The following ATRNL1 variants were observed in gnomAD, a reference collection of about 807,000 sequenced individuals.
ATRNL1 encodes attractin-like protein 1.
ATRNL1 carries 95 observed loss-of-function variants against 182.7 expected under a neutral mutation model. That is an observed-to-expected ratio of 0.52 (90% CI 0.44 to 0.62). The LOEUF (loss-of-function observed/expected upper bound fraction) is 0.62. ATRNL1 is among the 20% of genes least tolerant of loss of function. The pLI is 0.00. For missense variants in ATRNL1, 1,471 were observed against 1,679.5 expected (o/e 0.88, Z 2.17); for synonymous variants, 576 against 568.3 (o/e 1.01, Z -0.19).
intron 24 of ATRNL1, among the ~76,000 whole-genome samples, chr10:115,479,840 A>T (rs1453131714): frequency 2.0e-5 from 3 of 151,354 alleles, no homozygotes; most frequent in African/African-American, 7.3e-5. Flanking sequence ...ACTTCAAAAA[A>T]AGTGTATTGA....
intron 27 of ATRNL1, among the ~76,000 whole-genome samples, chr10:115,829,702 A>C (rs1298584271): frequency 6.6e-6 from 1 of 152,040 alleles, no homozygotes; most frequent in African/African-American, 2.4e-5. Context: ...TTGCAAAATC[A>C]AGGGATTTTC....
At chr10:115,622,272 A>C (rs1857817897) in intron 26 of ATRNL1, among the ~76,000 whole-genome samples, 1 of 152,220 alleles carries the variant, frequency 6.6e-6, no homozygotes, top group Admixed American at 6.5e-5. Flanking sequence ...GAAAAAGAAC[A>C]TGTAATTTGT....
At chr10:115,559,051 C>T (rs1243377079) in intron 26 of ATRNL1, among the ~76,000 whole-genome samples, 6 of 152,100 alleles carry the variant, frequency 3.9e-5, no homozygotes, top group African/African-American at 1.4e-4. Context: ...GTCTCCCTCT[C>T]TCCACCTTGC....
chr10:115,912,064 ACATCGGGAAG>A (rs1283524049), intron 28 of ATRNL1, among the ~76,000 whole-genome samples: 2 of 152,180 alleles, frequency 1.3e-5, no homozygotes, highest in Admixed American at 6.5e-5. Context: ...ACACATTGGG[ACATCGGGAAG>A]CATTTGGGGG....
At chr10:115,636,761 CAT>C (rs1300523555) in intron 26 of ATRNL1, among the ~76,000 whole-genome samples, 1 of 152,112 alleles carries the variant, frequency 6.6e-6, no homozygotes, top group Non-Finnish European at 1.5e-5. Context: ...TATGAATGTA[CAT>C]AGCAATATTA....
At chr10:115,215,297 G>T (rs1337809047) in intron 8 of ATRNL1, among the ~76,000 whole-genome samples, 3 of 152,154 alleles carry the variant, frequency 2.0e-5, no homozygotes, top group Non-Finnish European at 4.4e-5. Flanking sequence ...ATTAATTTTA[G>T]ATTTCTAAGG....
At chr10:115,723,805 G>T (rs1947509758) in intron 26 of ATRNL1, among the ~76,000 whole-genome samples, 1 of 152,106 alleles carries the variant, frequency 6.6e-6, no homozygotes, top group South Asian at 2.1e-4. Context: ...TGATCCACCT[G>T]CCTCGGCCTC....
intron 5 of ATRNL1, among the ~76,000 whole-genome samples, chr10:115,156,583 C>T (rs1231148750): frequency 6.6e-6 from 1 of 152,060 alleles, no homozygotes; most frequent in African/African-American, 2.4e-5. Flanking sequence ...AGCAGCCCGA[C>T]ACTAATGCTT....
At chr10:115,399,700 G>C (rs1483089624) in intron 20 of ATRNL1, among the ~76,000 whole-genome samples, 1 of 151,542 alleles carries the variant, frequency 6.6e-6, no homozygotes, top group Non-Finnish European at 1.5e-5. Flanking sequence ...TTTATTTCTT[G>C]TCTTCTGCTA....
At chr10:115,902,299 T>C (rs1952378453) in intron 28 of ATRNL1, among the ~76,000 whole-genome samples, 1 of 152,186 alleles carries the variant, frequency 6.6e-6, no homozygotes. Flanking sequence ...TGATGTACTT[T>C]TTTATGTGTT....
At chr10:115,255,343 A>T (rs184826819) in intron 10 of ATRNL1, among the ~76,000 whole-genome samples, 63 of 151,372 alleles carry the variant, frequency 4.2e-4, no homozygotes, top group Admixed American at 4.1e-3. Context: ...CTTGAAGAGA[A>T]CTCCTTCACA....
At chr10:115,318,403 A>G (rs1215224410) in intron 18 of ATRNL1, among the ~76,000 whole-genome samples, 1 of 152,144 alleles carries the variant, frequency 6.6e-6, no homozygotes, top group African/African-American at 2.4e-5. Flanking sequence ...CTGGCTTTAT[A>G]AAATTAGTTA....
intron 28 of ATRNL1, among the ~76,000 whole-genome samples, chr10:115,911,100 G>A (rs913360816): frequency 1.3e-5 from 2 of 151,962 alleles, no homozygotes; most frequent in Non-Finnish European, 2.9e-5. Context: ...CGCCTCCCAG[G>A]TTCTAACGAT....
intron 18 of ATRNL1, among the ~76,000 whole-genome samples, chr10:115,330,035 G>T (rs1855127453): frequency 6.6e-6 from 1 of 151,922 alleles, no homozygotes; most frequent in South Asian, 2.1e-4. Context: ...TATTTTTAGT[G>T]TATATATTGT....
intron 17 of ATRNL1, among the ~76,000 whole-genome samples, chr10:115,310,988 A>T (rs1300203375): frequency 6.6e-6 from 1 of 152,088 alleles, no homozygotes; most frequent in Non-Finnish European, 1.5e-5. Flanking sequence ...GCTATATTCA[A>T]GGTTTAGATA....
chr10:115,582,018 G>C (rs1555007743), intron 26 of ATRNL1, among the ~76,000 whole-genome samples: 1 of 150,780 alleles, frequency 6.6e-6, no homozygotes, highest in African/African-American at 2.4e-5. Flanking sequence ...TCTTGCGATA[G>C]TTTACTGAGA....
At chr10:115,096,826 C>A in intron 1 of ATRNL1, 1 of 1,156,620 alleles carries the variant, frequency 8.6e-7, no homozygotes, top group Non-Finnish European at 1.1e-6. Context: ...ACAAGCCATT[C>A]CTTCCTTACA....
chr10:115,548,026 A>C (rs1852765004), intron 25 of ATRNL1, among the ~76,000 whole-genome samples: 1 of 152,184 alleles, frequency 6.6e-6, no homozygotes, highest in Non-Finnish European at 1.5e-5. Context: ...GATAGTGGGC[A>C]CACTTAGAGC....
chr10:115,840,204 T>C (rs1950771613), intron 27 of ATRNL1, among the ~76,000 whole-genome samples: 1 of 152,088 alleles, frequency 6.6e-6, no homozygotes, highest in Non-Finnish European at 1.5e-5. Context: ...GTGGTAAGTA[T>C]GGGAAGTTTG....
Sources: allele counts gnomAD v4.1 joint callset (sites outside exome capture counted in the v4.1 genomes callset), GRCh38; gene constraint gnomAD v4.1.1; transcripts MANE v1.5; gene names NCBI Gene and HGNC (gene_info 2026-07-23, HGNC 2026-07-21).